MTHFD2L: variants seen among roughly 807,000 people sequenced by gnomAD.
MTHFD2L encodes the protein methylenetetrahydrofolate dehydrogenase (NADP+ dependent) 2 like.
A neutral mutation model predicts 34.9 loss-of-function variants in MTHFD2L; 29 were observed. That is an observed-to-expected ratio of 0.83 (90% CI 0.62 to 1.13). The LOEUF is 1.13. Ranked by LOEUF, MTHFD2L falls within the 50% of genes most tolerant of loss-of-function variation. The pLI, the probability that MTHFD2L is intolerant of heterozygous loss-of-function variation, is 0.00. For missense variants in MTHFD2L, 481 were observed against 446.5 expected, an observed-to-expected ratio of 1.08 and a Z score of -0.70; for synonymous variants, 167 against 155.7, an observed-to-expected ratio of 1.07 and a Z score of -0.54.
At chr4:74,170,269 A>G (rs1727631688) in intron 1 of MTHFD2L, among the ~76,000 whole-genome samples, 1 of 152,214 alleles carries the variant, frequency 6.6e-6, no homozygotes, top group African/African-American at 2.4e-5. Flanking sequence ...GAAAGGATAG[A>G]TACATAATAA....
upstream of MTHFD2L, among the ~76,000 whole-genome samples, chr4:74,123,856 C>T (rs1025974960): frequency 2.6e-5 from 4 of 152,062 alleles, no homozygotes; most frequent in African/African-American, 9.7e-5. Context: ...GGCACTATGC[C>T]TACTGGCCCT....
chr4:74,227,656 G>T (rs1739376812), intron 6 of MTHFD2L, among the ~76,000 whole-genome samples: 1 of 152,172 alleles, frequency 6.6e-6, no homozygotes, highest in South Asian at 2.1e-4. Flanking sequence ...AAGAAATGTT[G>T]TTGGGAAGGT....
At chr4:74,233,687 T>G (rs777774970) in intron 6 of MTHFD2L, among the ~76,000 whole-genome samples, 5 of 152,276 alleles carry the variant, frequency 3.3e-5, no homozygotes, top group Admixed American at 6.5e-5. Flanking sequence ...CTTTTATATG[T>G]TTCCTTGCTC....
chr4:74,181,687 T>G (rs1730207550), intron 3 of MTHFD2L: 1 of 152,192 alleles, frequency 6.6e-6, no homozygotes, highest in South Asian at 2.1e-4. Context: ...TCTCTTCAGT[T>G]GTCTAGTTTG....
chr4:74,135,228 A>G (rs922147630), intron 1 of MTHFD2L, among the ~76,000 whole-genome samples: 2 of 152,112 alleles, frequency 1.3e-5, no homozygotes, highest in African/African-American at 4.8e-5. Context: ...AGAAGCAAGC[A>G]GCATATAAAG....
chr4:74,268,604 G>A (rs1235773071), intron 6 of MTHFD2L, among the ~76,000 whole-genome samples: 1 of 152,182 alleles, frequency 6.6e-6, no homozygotes, highest in African/African-American at 2.4e-5. Context: ...ACTAATTAAA[G>A]TGATGTGTAA....
intron 6 of MTHFD2L, among the ~76,000 whole-genome samples, chr4:74,241,150 GAAA>G (rs2110169805): frequency 6.6e-6 from 1 of 152,222 alleles, no homozygotes; most frequent in East Asian, 1.9e-4. Context: ...AGATAGAAAA[GAAA>G]CCCCTCTACC....
chr4:74,237,976 G>A (rs374919090), intron 6 of MTHFD2L, among the ~76,000 whole-genome samples: 1 of 152,288 alleles, frequency 6.6e-6, no homozygotes, highest in East Asian at 1.9e-4. Context: ...TGTATTCAGA[G>A]CATGGTGTTA....
chr4:74,220,307 C>G (rs1471098842), intron 5 of MTHFD2L, among the ~76,000 whole-genome samples: 2 of 151,764 alleles, frequency 1.3e-5, no homozygotes, highest in Non-Finnish European at 2.9e-5. Flanking sequence ...AGAGAATAAC[C>G]AAGGGAGACT....
At chr4:74,115,972 G>A (rs1721649733) in intron 2 of MTHFD2L, among the ~76,000 whole-genome samples, 1 of 152,138 alleles carries the variant, frequency 6.6e-6, no homozygotes. Flanking sequence ...TAAAGTATTT[G>A]TAATCAAAGA....
At chr4:74,175,162 T>C (rs1728784021) in intron 2 of MTHFD2L, 119 bp from the exon 3 acceptor site, 1 of 1,047,764 alleles carries the variant, frequency 9.5e-7, no homozygotes, top group Non-Finnish European at 1.4e-6. Flanking sequence ...TTCCTGATGA[T>C]GCATGGAACA....
chr4:74,301,307 A>G (rs1750288353), intron 7 of MTHFD2L, among the ~76,000 whole-genome samples: 1 of 152,082 alleles, frequency 6.6e-6, no homozygotes, highest in African/African-American at 2.4e-5. Context: ...AATAAATGGT[A>G]TGTGCTCAAC....
At chr4:74,231,964 G>C (rs1337166348) in intron 6 of MTHFD2L, among the ~76,000 whole-genome samples, 1 of 152,116 alleles carries the variant, frequency 6.6e-6, no homozygotes, top group South Asian at 2.1e-4. Context: ...TCCATGTAAA[G>C]AGCATAGCAC....
At chr4:74,289,008 G>A (rs1409506341) in intron 7 of MTHFD2L, among the ~76,000 whole-genome samples, 1 of 151,964 alleles carries the variant, frequency 6.6e-6, no homozygotes, top group African/African-American at 2.4e-5. Context: ...TTCAAATTAG[G>A]TTCATTCATT....
At chr4:74,201,996 G>T (rs1471509824) in intron 5 of MTHFD2L, among the ~76,000 whole-genome samples, 2 of 152,122 alleles carry the variant, frequency 1.3e-5, no homozygotes, top group African/African-American at 4.8e-5. Context: ...ATTTGCAGGG[G>T]TCTGTCCCAC....
At chr4:74,182,627 T>C (rs1730412142) in intron 3 of MTHFD2L, 1 of 152,176 alleles carries the variant, frequency 6.6e-6, no homozygotes, top group South Asian at 2.1e-4. Context: ...ATTCTGTTGT[T>C]CTCTATTTGG....
intron 6 of MTHFD2L, among the ~76,000 whole-genome samples, chr4:74,245,373 A>C (rs1219431261): frequency 2.6e-5 from 4 of 152,026 alleles, no homozygotes; most frequent in African/African-American, 4.8e-5. Context: ...GTTTTTCAAA[A>C]TAAACATTTA....
chr4:74,168,883 G>A (rs2109932346), intron 1 of MTHFD2L, among the ~76,000 whole-genome samples: 1 of 152,306 alleles, frequency 6.6e-6, no homozygotes, highest in African/African-American at 2.4e-5. Context: ...GAATTTTCAT[G>A]TTGAAAAATC....
chr4:74,210,803 T>G (rs1711677791), intron 5 of MTHFD2L, among the ~76,000 whole-genome samples: 1 of 152,238 alleles, frequency 6.6e-6, no homozygotes, highest in Non-Finnish European at 1.5e-5. Context: ...ATGATATTGA[T>G]TCTTCCTGTC....
Sources: gnomAD v4.1 joint callset for allele counts (sites outside exome capture counted in the v4.1 genomes callset) on GRCh38, gnomAD v4.1.1 for gene constraint, MANE v1.5 for transcripts, NCBI Gene and HGNC (gene_info 2026-07-23, HGNC 2026-07-21) for gene names.